CLVS2: variants seen among roughly 807,000 people sequenced by gnomAD.
CLVS2 encodes the protein clavesin-2.
A neutral mutation model predicts 29.0 loss-of-function variants in CLVS2; 19 were observed. The observed-to-expected ratio is 0.66, with a 90% confidence interval of 0.46 to 0.96. CLVS2 has a LOEUF of 0.96. CLVS2 is among the 40% of genes least tolerant of loss of function. CLVS2 has a pLI of 0.00. For missense variants in CLVS2, 294 were observed against 404.1 expected (o/e 0.73, Z 2.34); for synonymous variants, 161 against 151.3 (o/e 1.06, Z -0.47).
At chr6:123,054,796 T>A (rs762258928) in intron 4 of CLVS2, among the ~76,000 whole-genome samples, 55 of 151,824 alleles carry the variant, frequency 3.6e-4, no homozygotes, top group Non-Finnish European at 5.3e-4. Flanking sequence ...AAACAAATCT[T>A]GAGTATGTGG....
At chr6:123,048,214 T>A (rs980359039) in intron 3 of CLVS2, among the ~76,000 whole-genome samples, 1 of 151,844 alleles carries the variant, frequency 6.6e-6, no homozygotes, top group Non-Finnish European at 1.5e-5. Context: ...TTTAATAAAA[T>A]ATTTTATTTA....
intron 3 of CLVS2, among the ~76,000 whole-genome samples, chr6:123,044,095 G>C (rs1214210342): frequency 6.6e-6 from 1 of 152,152 alleles, no homozygotes; most frequent in Admixed American, 6.5e-5. Context: ...AAAAACAAAG[G>C]AGTGGAAGCA....
chr6:123,011,961 T>C (rs921873730), intron 3 of CLVS2, among the ~76,000 whole-genome samples: 10 of 152,194 alleles, frequency 6.6e-5, no homozygotes, highest in Middle Eastern at 6.8e-3. Context: ...CCAAGTCATC[T>C]AGATTTTTAC....
In CLVS2 at chr6:122,998,319, C is replaced by A. The variant is rs139436472; in HGVS notation, c.389+153C>A. Among the ~76,000 whole-genome samples the A allele has an allele frequency of 3.8e-4, 58 of 152,172 alleles. No individual in the cohort carries two copies. In the East Asian group the frequency reaches 4.7e-3, roughly 12 times the overall value. ...CCAGGAGATGAGTTTTTGGTGGGCA[C>A]CCTGGGAAGGGAGGAGGGCTTGTAT... On this transcript the variant is annotated intron_variant, in intron 2 of 5. Coordinates refer to ENST00000275162, the MANE Select transcript of CLVS2 (RefSeq NM_001010852.4).
At chr6:123,046,825 CA>C (rs1032897916) in intron 3 of CLVS2, among the ~76,000 whole-genome samples, 18 of 152,054 alleles carry the variant, frequency 1.2e-4, no homozygotes, top group African/African-American at 4.1e-4. Flanking sequence ...TTCATCACAA[CA>C]AAAATATTTC....
chr6:123,003,776 G>T (rs1313420968), intron 2 of CLVS2, among the ~76,000 whole-genome samples: 2 of 152,224 alleles, frequency 1.3e-5, no homozygotes, highest in African/African-American at 2.4e-5. Flanking sequence ...GCTGGGGACA[G>T]GTGGGCAGCT....
chr6:123,057,191 C>T (rs1232227165), intron 5 of CLVS2, among the ~76,000 whole-genome samples: 1 of 152,176 alleles, frequency 6.6e-6, no homozygotes, highest in Non-Finnish European at 1.5e-5. Flanking sequence ...CTGCAAGTCT[C>T]CCCTCACCTA....
intron 2 of CLVS2, among the ~76,000 whole-genome samples, chr6:123,002,292 G>T (rs1774600858): frequency 6.6e-6 from 1 of 152,106 alleles, no homozygotes; most frequent in Non-Finnish European, 1.5e-5. Flanking sequence ...AAAACTGATT[G>T]GTCAGACATT....
At chr6:123,042,928 C>T (rs1775254832) in intron 3 of CLVS2, among the ~76,000 whole-genome samples, 1 of 152,044 alleles carries the variant, frequency 6.6e-6, no homozygotes, top group African/African-American at 2.4e-5. Context: ...AAAAGACACC[C>T]CCAAAAGTCA....
intron 3 of CLVS2, among the ~76,000 whole-genome samples, chr6:123,038,699 A>AT (rs919912662): frequency 3.1e-4 from 47 of 151,312 alleles, no homozygotes; most frequent in African/African-American, 8.0e-4. Flanking sequence ...TTGTATATTG[A>AT]TTTTTTTTTC....
chr6:123,036,531 AGCT>A (rs2114340368), intron 3 of CLVS2, among the ~76,000 whole-genome samples: 1 of 152,318 alleles, frequency 6.6e-6, no homozygotes, highest in East Asian at 1.9e-4. Context: ...AATGATCCCA[AGCT>A]GAACGCTTGC....
At chr6:123,034,018 A>G (rs1399681072) in intron 3 of CLVS2, among the ~76,000 whole-genome samples, 1 of 152,154 alleles carries the variant, frequency 6.6e-6, no homozygotes, top group Non-Finnish European at 1.5e-5. Context: ...AGATATCACT[A>G]CATACCTCTC....
At chr6:123,055,131 CTT>C (rs1772674601) in intron 4 of CLVS2, among the ~76,000 whole-genome samples, 1 of 152,000 alleles carries the variant, frequency 6.6e-6, no homozygotes, top group South Asian at 2.1e-4. Flanking sequence ...TTCATTGTTT[CTT>C]TTTCTATTTG....
Position 123,070,983 on chromosome 6 carries a change from T to C in CLVS2, c.*7222T>C, listed in dbSNP as rs1027563666. On this transcript the variant is annotated 3_prime_UTR_variant, in exon 6 of 6. Coordinates refer to ENST00000275162, the MANE Select transcript of CLVS2 (RefSeq NM_001010852.4). Reference sequence around the variant, plus strand: ...GAGGACTCTCTTTCCTAATTTTAGATGAAACAGCCCTGTGGTTCTTCATAT... The same window carrying C: ...GAGGACTCTCTTTCCTAATTTTAGACGAAACAGCCCTGTGGTTCTTCATAT... The C allele has an allele frequency of 2.6e-5, 4 of 152,026 alleles. No homozygotes were observed. The highest frequency in any genetic ancestry group is 7.2e-5 in the African/African-American group (3 of 41,436). The allele number at this position is 152,026 out of a possible 1,614,324, so 9.4% of individuals were successfully genotyped here. A position where few individuals can be genotyped will look rare whatever the true frequency, so the allele number is the denominator to read the frequency against.
intron 3 of CLVS2, among the ~76,000 whole-genome samples, chr6:123,041,947 G>A (rs1447173664): frequency 3.9e-5 from 6 of 151,902 alleles, no homozygotes; most frequent in Non-Finnish European, 5.9e-5. Flanking sequence ...AAATATATTC[G>A]TATTTCAAAA....
chr6:123,040,584 G>A (rs556896143), intron 3 of CLVS2, among the ~76,000 whole-genome samples: 2 of 152,298 alleles, frequency 1.3e-5, no homozygotes, highest in South Asian at 2.1e-4. Context: ...CATGAGGTCA[G>A]GAGTTCAAGA....
intron 2 of CLVS2, among the ~76,000 whole-genome samples, chr6:123,001,526 A>G (rs1218292905): frequency 6.6e-6 from 1 of 152,234 alleles, no homozygotes; most frequent in Non-Finnish European, 1.5e-5. Context: ...GAAAAGATTC[A>G]TATAATTTTA....
chr6:123,033,098 G>A (rs937149012), intron 3 of CLVS2, among the ~76,000 whole-genome samples: 1 of 151,802 alleles, frequency 6.6e-6, no homozygotes, highest in African/African-American at 2.4e-5. Flanking sequence ...GCCATTTTTG[G>A]TTTAAAGGAA....
chr6:123,023,011 A>G (rs796354260), intron 3 of CLVS2, among the ~76,000 whole-genome samples: 4 of 152,246 alleles, frequency 2.6e-5, no homozygotes, highest in African/African-American at 9.6e-5. Context: ...TTAGTTAGGG[A>G]AAGGGAAGTG....
Sources: gnomAD v4.1 joint callset for allele counts (sites outside exome capture counted in the v4.1 genomes callset) on GRCh38, gnomAD v4.1.1 for gene constraint, MANE v1.5 for transcripts, NCBI Gene and HGNC (gene_info 2026-07-23, HGNC 2026-07-21) for gene names.